ADAMTSL1: variants seen among roughly 807,000 people sequenced by gnomAD.
ADAMTSL1 encodes the protein ADAMTS-like protein 1.
Under a neutral mutation model 201.8 loss-of-function variants are expected in ADAMTSL1, and 126 were observed. The ratio of observed to expected loss-of-function variants is 0.62; its 90% CI spans 0.54 to 0.72. ADAMTSL1 has a LOEUF of 0.72. Among genes scored for constraint, ADAMTSL1 ranks in the 30% least tolerant of loss-of-function variants. The pLI, the probability that ADAMTSL1 is intolerant of heterozygous loss-of-function variation, is 0.00. For missense variants in ADAMTSL1, 2,679 were observed against 2,277.8 expected (o/e 1.18, Z -3.59); for synonymous variants, 1,121 against 903.4 (o/e 1.24, Z -4.32).
chr9:18,103,620 G>A (rs1326667181), intron 1 of ADAMTSL1, among the ~76,000 whole-genome samples: 1 of 152,098 alleles, frequency 6.6e-6, no homozygotes, highest in African/African-American at 2.4e-5. Flanking sequence ...CATATTTTAG[G>A]CTTACTAGCT....
intron 23 of ADAMTSL1, among the ~76,000 whole-genome samples, chr9:18,841,543 T>C (rs1396160366): frequency 1.3e-5 from 2 of 152,180 alleles, no homozygotes; most frequent in African/African-American, 4.8e-5. Flanking sequence ...AGGATGATGC[T>C]GGCCTCATAA....
chr9:18,178,414 T>A (rs1021299922), intron 2 of ADAMTSL1, among the ~76,000 whole-genome samples: 2 of 152,152 alleles, frequency 1.3e-5, no homozygotes, highest in African/African-American at 4.8e-5. Flanking sequence ...CACAGCAGTC[T>A]GAGATCAAAC....
intron 2 of ADAMTSL1, among the ~76,000 whole-genome samples, chr9:18,169,359 C>T (rs1257069303): frequency 6.6e-6 from 1 of 151,974 alleles, no homozygotes; most frequent in Non-Finnish European, 1.5e-5. Flanking sequence ...GCCAGTTTTC[C>T]CAGCACCACT....
intron 1 of ADAMTSL1, among the ~76,000 whole-genome samples, chr9:18,004,952 C>T (rs1202139818): frequency 6.6e-6 from 1 of 152,030 alleles, no homozygotes; most frequent in Non-Finnish European, 1.5e-5. Context: ...AAAATGCTGA[C>T]TATGTGTTAA....
chr9:18,426,906 C>T (rs1009667827), intron 2 of ADAMTSL1, among the ~76,000 whole-genome samples: 2 of 152,106 alleles, frequency 1.3e-5, no homozygotes, highest in Non-Finnish European at 2.9e-5. Flanking sequence ...AAAGCTGTTC[C>T]TTAATGAATC....
chr9:18,177,334 C>T (rs904577913), intron 2 of ADAMTSL1, among the ~76,000 whole-genome samples: 8 of 152,092 alleles, frequency 5.3e-5, no homozygotes, highest in African/African-American at 1.2e-4. Context: ...AGAAGAAATT[C>T]GCCTTAGCTT....
chr9:18,683,533 A>G (rs1035567409), intron 12 of ADAMTSL1, among the ~76,000 whole-genome samples: 2 of 152,002 alleles, frequency 1.3e-5, no homozygotes, highest in African/African-American at 4.8e-5. Context: ...CAGCCGACTG[A>G]GTCATTTACT....
intron 20 of ADAMTSL1, among the ~76,000 whole-genome samples, chr9:18,799,873 C>T (rs1563811328): frequency 6.6e-6 from 1 of 152,152 alleles, no homozygotes; most frequent in Non-Finnish European, 1.5e-5. Context: ...TCTGTCCCTC[C>T]CCATCATGAT....
chr9:18,152,714 G>A (rs951666942), intron 1 of ADAMTSL1, among the ~76,000 whole-genome samples: 4 of 151,908 alleles, frequency 2.6e-5, no homozygotes, highest in African/African-American at 9.7e-5. Flanking sequence ...GACGAGCCTT[G>A]GTGAGCTTGG....
rs1304778070 is a variant in ADAMTSL1, at chr9:18,906,787, G to T, written c.5057G>T (p.Gly1686Val). 1 of 1,613,976 alleles carries T rather than the reference G, an allele frequency of 6.2e-7. No individual in the cohort carries two copies. Among genetic ancestry groups the T allele is most frequent in the Non-Finnish European group, 8.5e-7 (1 of 1,179,880 alleles). The change falls in exon 28 of 29, where the codon GGC becomes GTC. Residue 1686 changes from glycine (G) to valine (V), a missense_variant. Coordinates refer to ENST00000380548, the MANE Select transcript of ADAMTSL1 (RefSeq NM_001040272.6). The part of the protein sequence containing the change: ...TLCTATCGNY[G>V]FQSRRVECVH... The stretch of plus-strand genomic sequence containing the variant: ...TGCACAGCTACCTGTGGCAACTACG[G>T]CTTCCAGTCCCGGCGTGTGGAGTGT...
intron 2 of ADAMTSL1, among the ~76,000 whole-genome samples, chr9:18,371,883 G>A (rs756691399): frequency 6.6e-6 from 1 of 152,130 alleles, no homozygotes; most frequent in Non-Finnish European, 1.5e-5. Flanking sequence ...AGGGCTCTGG[G>A]CTCAGCTCTG....
chr9:18,243,211 C>T (rs564687385), intron 2 of ADAMTSL1, among the ~76,000 whole-genome samples: 8 of 152,210 alleles, frequency 5.3e-5, no homozygotes, highest in African/African-American at 1.9e-4. Flanking sequence ...GACAAGGGAA[C>T]CAAGAGGATA....
At chr9:18,107,306 T>C (rs1192197807) in intron 1 of ADAMTSL1, among the ~76,000 whole-genome samples, 1 of 152,198 alleles carries the variant, frequency 6.6e-6, no homozygotes, top group African/African-American at 2.4e-5. Flanking sequence ...ATGGGCTCCA[T>C]GTACATGAAT....
Position 18,821,020 on chromosome 9 carries a change from G to A in ADAMTSL1, c.3934+3783G>A, listed in dbSNP as rs973982637. ...GTAGCATATGAGGCTGAGGAGGTGT[G>A]GGTAGGCAGGGGCTAGATCTTACAT... On this transcript the variant is annotated intron_variant, in intron 21 of 28. Transcript: ENST00000380548. 3.3e-5 allele frequency among the ~76,000 whole-genome samples: 5 copies of A among 152,298 alleles called. No homozygotes were observed. The South Asian group carries it at 1.0e-3, about 32-fold the overall frequency.
intron 9 of ADAMTSL1, among the ~76,000 whole-genome samples, chr9:18,666,222 C>T (rs1829422549): frequency 6.6e-6 from 1 of 152,156 alleles, no homozygotes; most frequent in Non-Finnish European, 1.5e-5. Flanking sequence ...GTCATTTACA[C>T]AGTTATTTTT....
intron 1 of ADAMTSL1, among the ~76,000 whole-genome samples, chr9:17,927,998 T>TC (rs200443728): frequency 0.011 from 1,298 of 120,724 alleles, 13 homozygotes; most frequent in Admixed American, 0.017. Flanking sequence ...TTTCTTTCTT[T>TC]TTTTTTTTTT....
intron 2 of ADAMTSL1, among the ~76,000 whole-genome samples, chr9:18,314,127 T>A (rs1293258681): frequency 6.6e-6 from 1 of 152,058 alleles, no homozygotes; most frequent in Non-Finnish European, 1.5e-5. Context: ...AAAACCACAG[T>A]GAGATATCAT....
intron 7 of ADAMTSL1, chr9:18,651,163 TG>T (rs956755368): frequency 1.3e-5 from 2 of 152,190 alleles, no homozygotes; most frequent in East Asian, 1.9e-4. Flanking sequence ...GAGAGCAGAC[TG>T]GGGGTGACAT....
At chr9:18,112,705 G>A (rs1001656796) in intron 1 of ADAMTSL1, among the ~76,000 whole-genome samples, 2 of 152,084 alleles carry the variant, frequency 1.3e-5, no homozygotes, top group African/African-American at 4.8e-5. Context: ...ATACACAGCA[G>A]TTATTTCATT....
Sources: allele counts gnomAD v4.1 joint callset (sites outside exome capture counted in the v4.1 genomes callset), GRCh38; gene constraint gnomAD v4.1.1; transcripts MANE v1.5; gene names NCBI Gene and HGNC (gene_info 2026-07-23, HGNC 2026-07-21).